SLC1A4: variants seen among roughly 807,000 people sequenced by gnomAD.
SLC1A4 encodes neutral amino acid transporter A.
In SLC1A4, 19 loss-of-function variants were observed where a neutral mutation model predicts 37.7. That is an observed-to-expected ratio of 0.50 (90% CI 0.35 to 0.74). SLC1A4 has a LOEUF of 0.74. Ranked by LOEUF, SLC1A4 falls within the 30% of genes least tolerant of loss-of-function variation. The pLI, the probability that SLC1A4 is intolerant of heterozygous loss-of-function variation, is 0.01. For synonymous variants in SLC1A4, 299 were observed against 309.8 expected, an observed-to-expected ratio of 0.97 and a Z score of 0.37; for missense variants, 570 against 712.9, an observed-to-expected ratio of 0.80 and a Z score of 2.28.
chr2:65,015,987 T>A (rs1674111708), intron 4 of SLC1A4, among the ~76,000 whole-genome samples: 1 of 152,224 alleles, frequency 6.6e-6, no homozygotes, highest in African/African-American at 2.4e-5. Context: ...TTCACAAAAG[T>A]CCTAGCTTTG....
chr2:64,997,679 A>G (rs1378081737), intron 1 of SLC1A4, among the ~76,000 whole-genome samples: 1 of 152,184 alleles, frequency 6.6e-6, no homozygotes, highest in Non-Finnish European at 1.5e-5. Flanking sequence ...ATTCCGTTGT[A>G]TGGAGTTTTC....
At chr2:64,994,961 C>T (rs1449237234) in intron 1 of SLC1A4, 1 of 152,152 alleles carries the variant, frequency 6.6e-6, no homozygotes, top group Non-Finnish European at 1.5e-5. Context: ...GTTGTTGTAA[C>T]TATGCCCATG....
intron 4 of SLC1A4, among the ~76,000 whole-genome samples, chr2:65,015,775 A>C (rs1051235294): frequency 1.3e-5 from 2 of 152,210 alleles, no homozygotes; most frequent in Non-Finnish European, 2.9e-5. Context: ...AAAATTTACA[A>C]ATAAAGTCAG....
In SLC1A4 at chr2:65,018,488, CT is replaced by C; in HGVS notation, c.1230-56del. On this transcript the variant is annotated intron_variant, in intron 6 of 7. Transcript: ENST00000234256. The surrounding 1 kb of genome is among the most constrained non-coding windows in gnomAD (Gnocchi z 4.3). The stretch of plus-strand genomic sequence containing the variant: ...CATTGCAGCTGCATGGTCTGCATTT[CT>C]CTGTGTCCACTCCACGCTCTATGTT... The C allele has an allele frequency of 1.3e-6, 2 of 1,599,192 alleles. No homozygotes were observed. The highest frequency in any genetic ancestry group is 1.7e-6 in the Non-Finnish European group (2 of 1,171,928).
At chr2:65,004,094 G>A (rs1381215692) in intron 3 of SLC1A4, 79 bp downstream of exon 3, 71 of 1,269,460 alleles carry the variant, frequency 5.6e-5, no homozygotes, top group Non-Finnish European at 7.2e-5. Flanking sequence ...CATACAGGAC[G>A]TGGGCTGAAA....
At chr2:65,017,956 G>A (rs1387987043) in intron 5 of SLC1A4, 115 bp from the exon 6 acceptor site, 2 of 839,616 alleles carry the variant, frequency 2.4e-6, no homozygotes, top group Non-Finnish European at 3.7e-6. Flanking sequence ...TTCAAGAGAA[G>A]AAAGCCAGAA....
chr2:65,015,661 G>A (rs1674096744), intron 4 of SLC1A4, among the ~76,000 whole-genome samples: 1 of 152,294 alleles, frequency 6.6e-6, no homozygotes, highest in South Asian at 2.1e-4. Context: ...TCCAGGGAGG[G>A]GAAATCTGGG....
intron 1 of SLC1A4, among the ~76,000 whole-genome samples, chr2:64,991,976 G>A (rs1453141154): frequency 6.6e-6 from 1 of 152,142 alleles, no homozygotes; most frequent in Non-Finnish European, 1.5e-5. Context: ...CACAGCCTTT[G>A]TTCTGTGACT....
At chr2:65,009,260 G>C (rs1221716282) in intron 3 of SLC1A4, among the ~76,000 whole-genome samples, 1 of 151,930 alleles carries the variant, frequency 6.6e-6, no homozygotes. Context: ...GTAATCCCAG[G>C]TACTTGGGAG....
intron 2 of SLC1A4, among the ~76,000 whole-genome samples, chr2:65,002,304 T>TAAATAAATAAATA (rs1362908164): frequency 6.7e-6 from 1 of 148,906 alleles, no homozygotes; most frequent in African/African-American, 2.5e-5. Context: ...AATAAATAAA[T>TAAATAAATAAATA]AATAAAATAA....
At position 64,989,808 on chromosome 2, in the gene SLC1A4, C is replaced by A; in HGVS notation, c.165C>A (p.Gly55=). The change falls in exon 1 of 8, where the codon GGC becomes GGA. Residue 55 remains glycine, a synonymous_variant. Transcript: ENST00000234256. ...VLLTVSGVLA[G]AGLGAALRGL... ...TCACCGTGTCCGGGGTGCTGGCGGG[C>A]GCGGGCCTGGGCGCGGCGTTGCGCG... The A allele has an allele frequency of 6.6e-7, 1 of 1,525,844 alleles. No individual in the cohort carries two copies. The highest frequency in any genetic ancestry group is 1.2e-5 in the South Asian group (1 of 82,154). The allele number at this position is 1,525,844 out of a possible 1,614,324, so 94.5% of individuals were successfully genotyped here.
chr2:65,003,661 T>C (rs1673563952), intron 2 of SLC1A4, among the ~76,000 whole-genome samples: 2 of 152,208 alleles, frequency 1.3e-5, no homozygotes, highest in Non-Finnish European at 2.9e-5. Context: ...CAGCATAAAA[T>C]TGTGCAGCCG....
Position 65,018,204 on chromosome 2 carries a change from G to A in SLC1A4, c.1168G>A (p.Ala390Thr), listed in dbSNP as rs535046748. 51 of 1,614,156 alleles carry A rather than the reference G, an allele frequency of 3.2e-5. No homozygotes were observed. Among genetic ancestry groups the A allele is most frequent in the South Asian group, 2.9e-4 (26 of 91,076 alleles). ...AGCAGCCATCTTCCAGTGTGTGGCC[G>A]CGGTGTTCATTGCGCAACTCAACAA... is the stretch of plus-strand genomic sequence containing the variant. ...DGAAIFQCVA[A>T]VFIAQLNNVE... Residue 390 changes from alanine to threonine, a missense_variant, in exon 6 of 8, where the codon GCG becomes ACG. Ala to Thr is a moderately conservative substitution (Grantham distance 58). Transcript: ENST00000234256. The surrounding 1 kb of genome is among the most constrained non-coding windows in gnomAD (Gnocchi z 4.3).
At chr2:64,998,249 A>AAATG (rs1673338654) in intron 1 of SLC1A4, among the ~76,000 whole-genome samples, 2 of 148,842 alleles carry the variant, frequency 1.3e-5, no homozygotes, top group Non-Finnish European at 3.0e-5. Flanking sequence ...AAAAATAAAT[A>AAATG]AATAAATAAA....
chr2:64,989,952 C>G lies in SLC1A4; in HGVS notation c.309C>G (p.Ala103=), dbSNP rs1282988396. The G allele has an allele frequency of 6.4e-7, 1 of 1,573,950 alleles. No homozygotes were observed. Residue 103 remains alanine, a synonymous_variant, in exon 1 of 8, where the codon GCC becomes GCG. Coordinates refer to ENST00000234256, the MANE Select transcript of SLC1A4 (RefSeq NM_003038.5). ...TCTGCAGCCTGGTGTCGGGCGCCGCCTCGCTCGATGCCAGCTGCCTCGGGC... is the reference window on the plus strand; with the variant it reads ...TCTGCAGCCTGGTGTCGGGCGCCGCGTCGCTCGATGCCAGCTGCCTCGGGC... ...LVVCSLVSGA[A]SLDASCLGRL...
intron 1 of SLC1A4, 44 bp from the exon 2 acceptor site, chr2:65,001,404 A>C: frequency 6.3e-7 from 1 of 1,593,532 alleles, no homozygotes; most frequent in African/African-American, 1.3e-5. Context: ...TCTCTAAAAA[A>C]TTGTTTTAAA....
At chr2:65,015,886 A>C (rs1350964518) in intron 4 of SLC1A4, among the ~76,000 whole-genome samples, 1 of 151,570 alleles carries the variant, frequency 6.6e-6, no homozygotes, top group Non-Finnish European at 1.5e-5. Context: ...CCTTTAAAAA[A>C]CTCTCACGCT....
chr2:64,999,358 T>C, intron 1 of SLC1A4: 1 of 152,234 alleles, frequency 6.6e-6, no homozygotes, highest in Admixed American at 6.5e-5. Context: ...GGAAATGCTG[T>C]GTTGCAGGCT....
At chr2:65,003,300 T>C (rs1343220595) in intron 2 of SLC1A4, among the ~76,000 whole-genome samples, 1 of 152,210 alleles carries the variant, frequency 6.6e-6, no homozygotes, top group Non-Finnish European at 1.5e-5. Context: ...CACTTGTTAG[T>C]ACATACTGCC....
Sources: gnomAD v4.1 joint callset for allele counts (sites outside exome capture counted in the v4.1 genomes callset) on GRCh38, gnomAD v4.1.1 for gene constraint, Gnocchi (gnomAD v3.1) non-coding constraint, MANE v1.5 for transcripts, NCBI Gene and HGNC (gene_info 2026-07-23, HGNC 2026-07-21) for gene names.